MARK3: variants seen among roughly 807,000 people sequenced by gnomAD.
MARK3 encodes the protein MAP/microtubule affinity-regulating kinase 3.
MARK3 carries 46 observed loss-of-function variants against 90.1 expected under a neutral mutation model. The observed-to-expected ratio is 0.51, with a 90% confidence interval of 0.40 to 0.65. MARK3 has a LOEUF of 0.65. MARK3 is among the 30% of genes least tolerant of loss of function. The pLI is 0.00. For missense variants in MARK3, 818 were observed against 947.2 expected, an observed-to-expected ratio of 0.86 and a Z score of 1.79; for synonymous variants, 321 against 332.6, an observed-to-expected ratio of 0.97 and a Z score of 0.38.
At chr14:103,458,373 C>T (rs1011903111) in intron 6 of MARK3, among the ~76,000 whole-genome samples, 8 of 143,714 alleles carry the variant, frequency 5.6e-5, no homozygotes, top group African/African-American at 1.8e-4. Flanking sequence ...GCAGGAGAAT[C>T]GCTTGAACCT....
chr14:103,461,130 TTGA>T (rs1158951271), intron 6 of MARK3, among the ~76,000 whole-genome samples: 4 of 152,110 alleles, frequency 2.6e-5, no homozygotes, highest in Non-Finnish European at 5.9e-5. Context: ...GAGCTAAGAG[TTGA>T]TGATGATTTG....
In MARK3 at chr14:103,404,173, G is replaced by GT. The variant is rs1595489683; in HGVS notation, c.52-900dup. 7.9e-5 allele frequency among the ~76,000 whole-genome samples: 12 copies of GT among 152,330 alleles called. No homozygotes were observed. In the East Asian group the frequency reaches 2.3e-3, roughly 29 times the overall value. ...TTTGATTTGAGTAAATTACAAAGCAGTTTATTAGTTAAATCAGGCTTGTTT... is the reference window on the plus strand; with the variant it reads ...TTTGATTTGAGTAAATTACAAAGCAGTTTTATTAGTTAAATCAGGCTTGTTT... On this transcript the variant is annotated intron_variant, in intron 1 of 17. Coordinates refer to ENST00000429436, the MANE Select transcript of MARK3 (RefSeq NM_001128918.3).
rs1055756813 is a variant in MARK3, at chr14:103,473,263, T to C, written c.1265-1730T>C. ...TTTGAGATGGAAATGTTCTGAATCT[T>C]GACTGATGGTGACCACATGAATCTG... On this transcript the variant is annotated intron_variant, in intron 12 of 17. Coordinates refer to ENST00000429436, the MANE Select transcript of MARK3 (RefSeq NM_001128918.3). Among the ~76,000 whole-genome samples the C allele has an allele frequency of 4.6e-5, 7 of 152,298 alleles. 1 individual carries two copies. Among genetic ancestry groups the C allele is most frequent in the Middle Eastern group, 6.8e-3 (2 of 294 alleles).
At chr14:103,486,898 C>A (rs2093939212) in intron 14 of MARK3, among the ~76,000 whole-genome samples, 1 of 137,172 alleles carries the variant, frequency 7.3e-6, no homozygotes, top group Non-Finnish European at 1.5e-5. Flanking sequence ...ATTAGTATGT[C>A]AAAAAGTTTA....
rs143005949 is a variant in MARK3, at chr14:103,464,289, C to CTT, written c.541-1242_541-1241dup. ...TTCTTAAAGTGACTGTGATTTGTCT[C>CTT]TTTTTTTTTTTTTTTTTTTTTTTTT... On this transcript the variant is annotated intron_variant, in intron 7 of 17. Coordinates refer to ENST00000429436, the MANE Select transcript of MARK3 (RefSeq NM_001128918.3). Among the ~76,000 whole-genome samples the CTT allele has an allele frequency of 1.6e-4, 11 of 68,664 alleles. 1 individual carries two copies. The highest frequency in any genetic ancestry group is 6.7e-4 in the African/African-American group (11 of 16,476). 45.0% of individuals were successfully genotyped at this position (68,664 alleles called of 152,430 possible). A position where few individuals can be genotyped will look rare whatever the true frequency, so the allele number is the denominator to read the frequency against.
chr14:103,409,773 T>G (rs2091525833), intron 2 of MARK3, among the ~76,000 whole-genome samples: 1 of 152,172 alleles, frequency 6.6e-6, no homozygotes, highest in Non-Finnish European at 1.5e-5. Flanking sequence ...ATCTGACATA[T>G]TAGTCTAAAG....
At chr14:103,477,168 C>G (rs2093728496) in intron 13 of MARK3, among the ~76,000 whole-genome samples, 1 of 152,164 alleles carries the variant, frequency 6.6e-6, no homozygotes, top group Admixed American at 6.6e-5. Context: ...AGTGACTGCT[C>G]TATCTTTGTT....
At chr14:103,405,689 A>G (rs2140695950) in intron 2 of MARK3, among the ~76,000 whole-genome samples, 1 of 151,476 alleles carries the variant, frequency 6.6e-6, no homozygotes, top group South Asian at 2.1e-4. Context: ...TTCTAACCAC[A>G]TAATATAAAT....
chr14:103,391,851 C>G (rs986210977), intron 1 of MARK3, among the ~76,000 whole-genome samples: 2 of 151,614 alleles, frequency 1.3e-5, no homozygotes, highest in Non-Finnish European at 2.9e-5. Context: ...AGCCACTGTA[C>G]CTGGTCAAAA....
chr14:103,500,242 T>G, intron 17 of MARK3, 42 bp downstream of exon 17: 1 of 1,463,676 alleles, frequency 6.8e-7, no homozygotes, highest in Non-Finnish European at 9.4e-7. Flanking sequence ...TTCAGGTGTT[T>G]ACTTCATTTC....
chr14:103,484,756 C>A (rs758378178), intron 14 of MARK3, among the ~76,000 whole-genome samples: 11 of 43,854 alleles, frequency 2.5e-4, no homozygotes, highest in Admixed American at 3.5e-4. Context: ...CATGGTGAAA[C>A]CCTGTCTAAA....
chr14:103,389,528 C>CAAAAAAAAAAAAAA lies in MARK3; in HGVS notation c.51+3455_51+3468dup, dbSNP rs67737305. 9.2e-4 allele frequency among the ~76,000 whole-genome samples: 46 copies of CAAAAAAAAAAAAAA among 49,846 alleles called. 5 individuals are homozygous for CAAAAAAAAAAAAAA. Among genetic ancestry groups the CAAAAAAAAAAAAAA allele is most frequent in the East Asian group, 6.4e-3 (7 of 1,088 alleles). 32.7% of individuals were successfully genotyped at this position (49,846 alleles called of 152,430 possible). A position where few individuals can be genotyped will look rare whatever the true frequency, so the allele number is the denominator to read the frequency against. ...GAGTGACAGAGTAAGACTCTGTCTC[C>CAAAAAAAAAAAAAA]AAAAAAAAAAAAAAAAAAAAGCAGA... On this transcript the variant is annotated intron_variant, in intron 1 of 17. Transcript: ENST00000429436.
At position 103,455,737 on chromosome 14, in the gene MARK3, A is replaced by T. The variant is rs184781412; in HGVS notation, c.413-1405A>T. Among the ~76,000 whole-genome samples the T allele has an allele frequency of 1.9e-3, 289 of 152,124 alleles. 3 individuals are homozygous for T. Among genetic ancestry groups the T allele is most frequent in the Admixed American group, 4.6e-3 (70 of 15,262 alleles). On this transcript the variant is annotated intron_variant, in intron 5 of 17. Coordinates refer to ENST00000429436, the MANE Select transcript of MARK3 (RefSeq NM_001128918.3). ...CACAACTCTGTCTCAAAAAAAAAAAAAAAAAAGCATTATGCAATCAAGTAA... is the reference window on the plus strand; with the variant it reads ...CACAACTCTGTCTCAAAAAAAAAAATAAAAAAGCATTATGCAATCAAGTAA...
intron 17 of MARK3, among the ~76,000 whole-genome samples, chr14:103,500,648 G>A (rs1168811172): frequency 6.7e-6 from 1 of 148,240 alleles, no homozygotes; most frequent in Non-Finnish European, 1.5e-5. Context: ...TTTTTTTTCT[G>A]AGACACGGTG....
intron 2 of MARK3, chr14:103,412,450 A>G: frequency 1.8e-6 from 1 of 548,908 alleles, no homozygotes; most frequent in Non-Finnish European, 3.3e-6. Flanking sequence ...AAAATGCATC[A>G]TACTTCTTGG....
At chr14:103,479,210 G>A (rs2093773698) in intron 13 of MARK3, among the ~76,000 whole-genome samples, 1 of 151,876 alleles carries the variant, frequency 6.6e-6, no homozygotes, top group African/African-American at 2.4e-5. Flanking sequence ...GTTTGTTGTG[G>A]TAGAGATGAG....
chr14:103,399,198 T>C (rs1438497875), intron 1 of MARK3, among the ~76,000 whole-genome samples: 1 of 152,222 alleles, frequency 6.6e-6, no homozygotes, highest in Non-Finnish European at 1.5e-5. Flanking sequence ...GTCTAAGAAA[T>C]GTTTTAATTT....
chr14:103,502,887 A>G lies in MARK3; in HGVS notation c.1922A>G (p.Asn641Ser), dbSNP rs773826573. The part of the protein sequence containing the change: ...RNGRYEGSSR[N>S]VSAEQKDENK... ...CCTGCCTCTATGCATTTCAGTCGCA[A>G]TGTATCTGCTGAGCAAAAAGATGAA... Residue 641 changes from asparagine to serine, a missense_variant, in exon 18 of 18, where the codon AAT becomes AGT. Asn to Ser is a conservative substitution (Grantham distance 46). Coordinates refer to ENST00000429436, the MANE Select transcript of MARK3 (RefSeq NM_001128918.3). 19 of 1,606,516 alleles carry G rather than the reference A, an allele frequency of 1.2e-5. No homozygotes were observed. The highest frequency in any genetic ancestry group is 3.4e-5 in the Admixed American group (2 of 59,560).
At chr14:103,493,025 G>A (rs1425365261) in intron 15 of MARK3, among the ~76,000 whole-genome samples, 1 of 152,128 alleles carries the variant, frequency 6.6e-6, no homozygotes, top group African/African-American at 2.4e-5. Flanking sequence ...TTACAGGACA[G>A]CAGTAGGAGT....
Sources: allele counts gnomAD v4.1 joint callset (sites outside exome capture counted in the v4.1 genomes callset), GRCh38; gene constraint gnomAD v4.1.1; transcripts MANE v1.5; gene names NCBI Gene and HGNC (gene_info 2026-07-23, HGNC 2026-07-21).